The following GMEB1 variants were observed in gnomAD, a reference collection of about 807,000 sequenced individuals.
The protein encoded by GMEB1 is glucocorticoid modulatory element binding protein 1, also known as glucocorticoid modulatory element-binding protein 1.
Under a neutral mutation model 52.4 loss-of-function variants are expected in GMEB1, and 6 were observed. The observed-to-expected ratio is 0.11, with a 90% CI of 0.06 to 0.23. The LOEUF (loss-of-function observed/expected upper bound fraction) is 0.23, where lower values mean the gene tolerates loss of function less well. Among genes scored for constraint, GMEB1 ranks in the 10% least tolerant of loss-of-function variants. The pLI, the probability that GMEB1 is intolerant of heterozygous loss-of-function variation, is 1.00. For synonymous variants in GMEB1, 255 were observed against 244.9 expected, an observed-to-expected ratio of 1.04 and a Z score of -0.38; for missense variants, 486 against 685.6, an observed-to-expected ratio of 0.71 and a Z score of 3.25.
intron 1 of GMEB1, among the ~76,000 whole-genome samples, chr1:28,680,242 A>C (rs7414451): frequency 6.6e-6 from 1 of 152,186 alleles, no homozygotes; most frequent in Non-Finnish European, 1.5e-5. Context: ...ATATAAAAAT[A>C]AAAAAGAAAA....
chr1:28,691,808 A>T (rs1359259179), intron 4 of GMEB1, 99 bp downstream of exon 4: 32 of 66,714 alleles, frequency 4.8e-4, no homozygotes, highest in Middle Eastern at 5.3e-3. Context: ...TATCAGTTTT[A>T]TTTATTTATT....
chr1:28,707,855 G>C (rs893376425), intron 8 of GMEB1, among the ~76,000 whole-genome samples: 5 of 152,022 alleles, frequency 3.3e-5, no homozygotes, highest in African/African-American at 4.8e-5. Context: ...GGGAATGTAG[G>C]TGAGGTTGTC....
rs1217969787 is a variant in GMEB1 at position 28,687,372 on chromosome 1, ACACACAC to A, written c.129-2731_129-2725del. On this transcript the variant is annotated intron_variant, in intron 2 of 9. Transcript: ENST00000373816. ...CACACACACACACACACACACACACACACACACACACACACAAAAAAAGACAGTGGAG... is the reference window on the plus strand; with the variant it reads ...CACACACACACACACACACACACACAACACACACAAAAAAAGACAGTGGAG... Among the ~76,000 whole-genome samples, 59 of 101,018 alleles carry A rather than the reference ACACACAC, an allele frequency of 5.8e-4. 6 individuals carry two copies. The highest frequency in any genetic ancestry group is 8.5e-4 in the Non-Finnish European group (40 of 47,274). The allele number at this position is 101,018 out of a possible 152,430, so 66.3% of individuals were successfully genotyped here. A position where few individuals can be genotyped will look rare whatever the true frequency, so the allele number is the denominator to read the frequency against.
chr1:28,687,334 TCACACACACA>T lies in GMEB1; in HGVS notation c.129-2725_129-2716del, dbSNP rs1161076315. Among the ~76,000 whole-genome samples, 6 of 54,086 alleles carry T rather than the reference TCACACACACA, an allele frequency of 1.1e-4. 1 individual carries two copies. Among genetic ancestry groups the T allele is most frequent in the African/African-American group, 4.3e-4 (6 of 13,942 alleles). 35.5% of individuals were successfully genotyped at this position (54,086 alleles called of 152,430 possible). A position where few individuals can be genotyped will look rare whatever the true frequency, so the allele number is the denominator to read the frequency against. ...CTGGGCAACAGAATGAGACCCTATC[TCACACACACA>T]CACACACACACACACACACACACAC... On this transcript the variant is annotated intron_variant, in intron 2 of 9. Coordinates refer to ENST00000373816, the MANE Select transcript of GMEB1 (RefSeq NM_001319674.2).
rs201524415 is a variant in GMEB1, at chr1:28,672,197, TTTTATTTATTTA to T, written c.-31+3386_-31+3397del. ...TTTTACTTTTTTTTTTAACTTTTATTTTTATTTATTTATTTATTTATTTATTTATTTATTTAT... is the reference window on the plus strand; with the variant it reads ...TTTTACTTTTTTTTTTAACTTTTATTTTTATTTATTTATTTATTTATTTAT... On this transcript the variant is annotated intron_variant, in intron 1 of 9. Transcript: ENST00000373816. Among the ~76,000 whole-genome samples, 327 of 136,074 alleles carry T rather than the reference TTTTATTTATTTA, an allele frequency of 2.4e-3. 2 individuals carry two copies. Among genetic ancestry groups the T allele is most frequent in the Non-Finnish European group, 3.9e-3 (253 of 64,496 alleles). The allele number at this position is 136,074 out of a possible 152,430, so 89.3% of individuals were successfully genotyped here.
chr1:28,680,166 A>G (rs1032845881), intron 1 of GMEB1, among the ~76,000 whole-genome samples: 3 of 152,112 alleles, frequency 2.0e-5, no homozygotes, highest in Admixed American at 2.0e-4. Context: ...TGATCACTTG[A>G]AGCCAGGAGT....
At chr1:28,705,424 C>G (rs1670703477) in intron 8 of GMEB1, among the ~76,000 whole-genome samples, 1 of 149,770 alleles carries the variant, frequency 6.7e-6, no homozygotes, top group South Asian at 2.1e-4. Flanking sequence ...AGCATCCTCT[C>G]TCGCGCGATA....
intron 5 of GMEB1, among the ~76,000 whole-genome samples, chr1:28,694,674 G>GT (rs963376728): frequency 1.2e-3 from 178 of 144,550 alleles, no homozygotes; most frequent in Admixed American, 2.0e-3. Context: ...CTTAACATAG[G>GT]TTTTTTTTTT....
At chr1:28,707,957 G>A (rs1670858785) in intron 8 of GMEB1, among the ~76,000 whole-genome samples, 1 of 151,574 alleles carries the variant, frequency 6.6e-6, no homozygotes, top group Non-Finnish European at 1.5e-5. Context: ...AGAGTGCAGT[G>A]ATGCAGTCAC....
intron 6 of GMEB1, among the ~76,000 whole-genome samples, chr1:28,700,107 C>T (rs926952180): frequency 6.0e-5 from 9 of 151,198 alleles, no homozygotes; most frequent in Middle Eastern, 6.9e-3. Flanking sequence ...CAGCGGCCCA[C>T]GCCTATAATC....
At chr1:28,692,780 G>A (rs775246656) in intron 4 of GMEB1, among the ~76,000 whole-genome samples, 162 bp from the exon 5 acceptor site, 2 of 152,110 alleles carry the variant, frequency 1.3e-5, no homozygotes, top group East Asian at 3.8e-4. Flanking sequence ...GAGAAGGATC[G>A]TCTTCTCTAA....
At chr1:28,699,146 T>C (rs1670374188) in intron 6 of GMEB1, among the ~76,000 whole-genome samples, 1 of 152,178 alleles carries the variant, frequency 6.6e-6, no homozygotes, top group Non-Finnish European at 1.5e-5. Flanking sequence ...AGTTGTCTGC[T>C]TGGAGGGGCT....
chr1:28,672,956 C>T (rs951011372), intron 1 of GMEB1, among the ~76,000 whole-genome samples: 2 of 151,628 alleles, frequency 1.3e-5, no homozygotes, highest in Non-Finnish European at 2.9e-5. Context: ...AGTGCAGTGG[C>T]GCGATCTCGG....
chr1:28,692,597 T>G (rs1670018912), intron 4 of GMEB1, among the ~76,000 whole-genome samples: 1 of 152,082 alleles, frequency 6.6e-6, no homozygotes, highest in Admixed American at 6.6e-5. Flanking sequence ...TAGAATTGCT[T>G]ATTCTGTCTT....
intron 1 of GMEB1, among the ~76,000 whole-genome samples, chr1:28,670,186 G>A (rs1341993942): frequency 2.1e-5 from 2 of 94,158 alleles, no homozygotes; most frequent in Non-Finnish European, 5.0e-5. Context: ...TGTTTTTTGA[G>A]ACGGAGTCTC....
In GMEB1 at chr1:28,673,184, G is replaced by A. The variant is rs1203376337; in HGVS notation, c.-31+4345G>A. On this transcript the variant is annotated intron_variant, in intron 1 of 9. Coordinates refer to ENST00000373816, the MANE Select transcript of GMEB1 (RefSeq NM_001319674.2). Reference sequence around the variant, plus strand: ...GCTGGGATTACAGGTGTGAGCCACTGCGCCCAGCCAGTATTACTCCTTTTT... The same window carrying A: ...GCTGGGATTACAGGTGTGAGCCACTACGCCCAGCCAGTATTACTCCTTTTT... Among the ~76,000 whole-genome samples, 5 of 152,170 alleles carry A rather than the reference G, an allele frequency of 3.3e-5. No homozygotes were observed. The East Asian group carries it at 9.7e-4, about 29-fold the overall frequency.
chr1:28,685,572 T>A (rs1382487085), intron 2 of GMEB1, among the ~76,000 whole-genome samples: 1 of 152,204 alleles, frequency 6.6e-6, no homozygotes, highest in African/African-American at 2.4e-5. Context: ...TTGAACATAT[T>A]TCGTGACTTT....
chr1:28,715,305 AAG>A lies in GMEB1; in HGVS notation c.*533_*534del, dbSNP rs1671238769. 1 of 153,898 alleles carries A rather than the reference AAG, an allele frequency of 6.5e-6. No homozygotes were observed. The highest frequency in any genetic ancestry group is 1.4e-5 in the Non-Finnish European group (1 of 69,236). 9.5% of individuals were successfully genotyped at this position (153,898 alleles called of 1,614,324 possible). A position where few individuals can be genotyped will look rare whatever the true frequency, so the allele number is the denominator to read the frequency against. On this transcript the variant is annotated 3_prime_UTR_variant, in exon 10 of 10. Coordinates refer to ENST00000373816, the MANE Select transcript of GMEB1 (RefSeq NM_001319674.2). ...GGTGGCATGCCAGCACTAGCTTAAAAAGGGAAGTGCTAGCCGGGCGTGGTGGC... is the reference window on the plus strand; with the variant it reads ...GGTGGCATGCCAGCACTAGCTTAAAAGGAAGTGCTAGCCGGGCGTGGTGGC...
chr1:28,707,789 T>G (rs1670851344), intron 8 of GMEB1, among the ~76,000 whole-genome samples: 1 of 151,924 alleles, frequency 6.6e-6, no homozygotes, highest in Non-Finnish European at 1.5e-5. Context: ...CATGTGGGAG[T>G]GCTCAGCATG....
Sources: allele counts gnomAD v4.1 joint callset (sites outside exome capture counted in the v4.1 genomes callset), GRCh38; gene constraint gnomAD v4.1.1; transcripts MANE v1.5; gene names NCBI Gene and HGNC (gene_info 2026-07-23, HGNC 2026-07-21).